Variants in NUP210 observed in about 807,000 individuals in gnomAD.
The protein encoded by NUP210 is nucleoporin 210.
Under a neutral mutation model 196.0 loss-of-function variants are expected in NUP210, and 151 were observed. The observed-to-expected ratio is 0.77, with a 90% CI of 0.67 to 0.88. The LOEUF is 0.88. NUP210 is among the 40% of genes least tolerant of loss of function. The pLI, the probability that NUP210 is intolerant of heterozygous loss-of-function variation, is 0.00. For synonymous variants in NUP210, 1,070 were observed against 1,052.7 expected, an observed-to-expected ratio of 1.02 and a Z score of -0.32; for missense variants, 2,314 against 2,493.7, an observed-to-expected ratio of 0.93 and a Z score of 1.53.
At chr3:13,381,610 G>A (rs6771144) in intron 6 of NUP210, among the ~76,000 whole-genome samples, 93,870 of 151,410 alleles carry the variant, frequency 0.62, 30,707 homozygotes, top group African/African-American at 0.85. Flanking sequence ...CTCACTCCTT[G>A]TAAGAGACAC....
intron 20 of NUP210, among the ~76,000 whole-genome samples, chr3:13,345,534 C>G (rs1311224559): frequency 2.0e-5 from 3 of 152,206 alleles, no homozygotes; most frequent in Non-Finnish European, 4.4e-5. Flanking sequence ...AAGCCCACAG[C>G]TGGCTGGGGG....
Position 13,386,159 on chromosome 3 carries a change from C to T in NUP210, c.817+116G>A, listed in dbSNP as rs548014120. Reference sequence around the variant, plus strand: ...CAGAAGAGTGTGAATGTACTTGATGCTACCTGATGGAGCACTTAAAAATGG... The same window carrying T: ...CAGAAGAGTGTGAATGTACTTGATGTTACCTGATGGAGCACTTAAAAATGG... On this transcript the variant is annotated intron_variant, in intron 6 of 39. Transcript: ENST00000254508. 1.3e-5 allele frequency: 15 copies of T among 1,118,380 alleles called. No homozygotes were observed. In the South Asian group the frequency reaches 1.5e-4, roughly 11 times the overall value. The allele number at this position is 1,118,380 out of a possible 1,614,324, so 69.3% of individuals were successfully genotyped here.
chr3:13,321,322 G>A (rs1411045084), intron 36 of NUP210, among the ~76,000 whole-genome samples: 3 of 152,238 alleles, frequency 2.0e-5, no homozygotes, highest in African/African-American at 7.2e-5. Context: ...CTTTTCTGGG[G>A]TTCTCACTGC....
In NUP210 at chr3:13,323,529, G is replaced by A; in HGVS notation, c.4645-97C>T. The A allele has an allele frequency of 7.1e-7, 1 of 1,405,258 alleles. No individual in the cohort carries two copies. The highest frequency in any genetic ancestry group is 9.8e-7 in the Non-Finnish European group (1 of 1,019,040). The allele number at this position is 1,405,258 out of a possible 1,614,324, so 87.0% of individuals were successfully genotyped here. A position where few individuals can be genotyped will look rare whatever the true frequency, so the allele number is the denominator to read the frequency against. On this transcript the variant is annotated intron_variant, in intron 33 of 39. Transcript: ENST00000254508. This position sits in a 1 kb window ranked among gnomAD's most constrained non-coding sequence, Gnocchi z 4.3. Reference sequence around the variant, plus strand: ...CTCACCCTGCAGTCTGTGACATAGTGTCACCCGTTTCACAGGTGGCAACAC... The same window carrying A: ...CTCACCCTGCAGTCTGTGACATAGTATCACCCGTTTCACAGGTGGCAACAC...
At chr3:13,343,342 G>GGGGGGGGGGGGGGC in intron 20 of NUP210, 39 bp from the exon 21 acceptor site, 4 of 655,992 alleles carry the variant, frequency 6.1e-6, no homozygotes, top group Non-Finnish European at 5.0e-6. Flanking sequence ...TGGGTGGTGG[G>GGGGGGGGGGGGGGC]TTACGCAGCT....
intron 13 of NUP210, among the ~76,000 whole-genome samples, chr3:13,370,247 C>A (rs464885): frequency 6.6e-6 from 1 of 152,178 alleles, no homozygotes; most frequent in Non-Finnish European, 1.5e-5. Flanking sequence ...CAAGGCACTT[C>A]CTAAGAGAAA....
At chr3:13,334,961 C>T (rs907456694) in intron 28 of NUP210, among the ~76,000 whole-genome samples, 2 of 152,242 alleles carry the variant, frequency 1.3e-5, no homozygotes, top group Non-Finnish European at 2.9e-5. Context: ...GACCTTGACC[C>T]TCCCCGCCTC....
At chr3:13,345,189 T>C in intron 20 of NUP210, 1 of 985,454 alleles carries the variant, frequency 1.0e-6, no homozygotes, top group Non-Finnish European at 1.2e-6. Flanking sequence ...CTGCTCAGCT[T>C]TACAGAGTAA....
intron 16 of NUP210, chr3:13,354,759 T>G (rs1351745532): frequency 6.6e-6 from 1 of 152,142 alleles, no homozygotes; most frequent in Non-Finnish European, 1.5e-5. Flanking sequence ...GTGGAAGGGG[T>G]CATCCCCACG....
intron 15 of NUP210, among the ~76,000 whole-genome samples, chr3:13,359,889 CCAA>C (rs764174362): frequency 6.6e-6 from 1 of 152,224 alleles, no homozygotes; most frequent in Non-Finnish European, 1.5e-5. Flanking sequence ...TCCTCAAGAA[CCAA>C]CAAGATGTGT....
In NUP210 at chr3:13,379,627, G is replaced by A. The variant is rs2094562767; in HGVS notation, c.912C>T (p.Ala304=). ...GTGCAGTGACCATCGACGTGTCCTG[G>A]GCCAAGACAGCCACCGGCCGGGCTG... The part of the protein sequence containing the change: ...GDPARPVAVL[A]QDTSMVTALQ... Residue 304 remains alanine (A), a synonymous_variant, in exon 7 of 40, where the codon GCC becomes GCT. Coordinates refer to ENST00000254508, the MANE Select transcript of NUP210 (RefSeq NM_024923.4). The surrounding 1 kb of genome is among the most constrained non-coding windows in gnomAD (Gnocchi z 4.2). 1.9e-6 allele frequency: 3 copies of A among 1,613,942 alleles called. No homozygotes were observed. The highest frequency in any genetic ancestry group is 3.3e-5 in the Admixed American group (2 of 59,996).
chr3:13,374,094 C>T (rs929688734), intron 11 of NUP210, among the ~76,000 whole-genome samples: 1 of 152,148 alleles, frequency 6.6e-6, no homozygotes, highest in Admixed American at 6.5e-5. Context: ...TGCTCACTTA[C>T]CACTCACATC....
chr3:13,325,997 A>C, intron 32 of NUP210, 66 bp from the exon 33 acceptor site: 841 of 1,562,108 alleles, frequency 5.4e-4, no homozygotes, highest in Non-Finnish European at 6.6e-4. Flanking sequence ...AGCCCAGCTC[A>C]CCTGGATGAC....
intron 23 of NUP210, 56 bp downstream of exon 23, chr3:13,341,692 C>A (rs1697501970): frequency 1.3e-6 from 2 of 1,597,734 alleles, no homozygotes; most frequent in Non-Finnish European, 1.7e-6. Flanking sequence ...TATAAAGACA[C>A]TCCCAACCCC....
chr3:13,341,617 A>G, intron 23 of NUP210, 131 bp downstream of exon 23: 1 of 1,073,172 alleles, frequency 9.3e-7, no homozygotes, highest in East Asian at 2.5e-5. Context: ...CTGCCTTTTG[A>G]TGAGAGGACA....
chr3:13,414,055 C>G (rs938384519), intron 1 of NUP210, among the ~76,000 whole-genome samples: 1 of 152,188 alleles, frequency 6.6e-6, no homozygotes, highest in African/African-American at 2.4e-5. Context: ...AGGGGGTGCT[C>G]CCCACTCTTC....
intron 6 of NUP210, among the ~76,000 whole-genome samples, chr3:13,381,410 C>CTTTTT (rs1699093541): frequency 9.3e-6 from 1 of 107,182 alleles, no homozygotes; most frequent in African/African-American, 5.0e-5. Flanking sequence ...TCTTTCTTTT[C>CTTTTT]TTTTCTTTTC....
chr3:13,365,303 T>C (rs1373360888), intron 14 of NUP210, among the ~76,000 whole-genome samples: 1 of 152,122 alleles, frequency 6.6e-6, no homozygotes, highest in Non-Finnish European at 1.5e-5. Context: ...CACGACCCCA[T>C]GAGGCAAGAG....
intron 29 of NUP210, 128 bp downstream of exon 29, chr3:13,332,165 C>T: frequency 1.4e-6 from 1 of 715,312 alleles, no homozygotes; most frequent in East Asian, 2.5e-5. Context: ...GAGGCCTCAC[C>T]CATTCCAAGC....
Sources: gnomAD v4.1 joint callset for allele counts (sites outside exome capture counted in the v4.1 genomes callset) on GRCh38, gnomAD v4.1.1 for gene constraint, Gnocchi (gnomAD v3.1) non-coding constraint, MANE v1.5 for transcripts, NCBI Gene and HGNC (gene_info 2026-07-23, HGNC 2026-07-21) for gene names.